Variants in TMEM221 observed in about 807,000 individuals in gnomAD.
TMEM221 encodes the protein transmembrane protein 221.
Under a neutral mutation model 10.2 loss-of-function variants are expected in TMEM221, and 11 were observed. That is an observed-to-expected ratio of 1.08 (90% CI 0.68 to 1.79). TMEM221 has a LOEUF of 1.79. TMEM221 is among the 40% of genes most tolerant of loss of function. The pLI is 0.00. For missense variants in TMEM221, 382 were observed against 417.7 expected, an observed-to-expected ratio of 0.91 and a Z score of 0.75; for synonymous variants, 172 against 199.8, an observed-to-expected ratio of 0.86 and a Z score of 1.18.
At position 17,435,901 on chromosome 19, in the gene TMEM221, T is replaced by C. The variant is rs7254837; in HGVS notation, c.*557A>G. 124,504 of 152,282 alleles carry C rather than the reference T, an allele frequency of 0.82. 51,243 individuals are homozygous for C. Among genetic ancestry groups the C allele is most frequent in the African/African-American group, 0.9 (37,477 of 41,530 alleles). 9.4% of individuals were successfully genotyped at this position (152,282 alleles called of 1,614,324 possible). On this transcript the variant is annotated 3_prime_UTR_variant, in exon 3 of 3. Transcript: ENST00000341130. The stretch of plus-strand genomic sequence containing the variant: ...ATGTTCACAGCCCGAGGGGGTGCAG[T>C]GGATTTTGCAGAGTCTGAGACTTGC...
At chr19:17,447,115 G>A (rs574315942) in intron 1 of TMEM221, among the ~76,000 whole-genome samples, 68 of 151,892 alleles carry the variant, frequency 4.5e-4, no homozygotes, top group African/African-American at 1.4e-3. Context: ...CCAGCTACTC[G>A]GGAGGCTAAG....
chr19:17,448,319 C>T lies in TMEM221; in HGVS notation c.144G>A (p.Gly48=). ...RAELRGLRAE[G]LGQELGAGPG... ...GGCCGGCGCCCAGCTCCTGGCCCAG[C>T]CCCTCGGCGCGCAGCCCCCGCAGCT... Residue 48 remains glycine, a synonymous_variant, in exon 1 of 3, where the codon GGG becomes GGA. Transcript: ENST00000341130. This position sits in a 1 kb window ranked among gnomAD's most constrained non-coding sequence, Gnocchi z 4.7. 7.9e-7 allele frequency: 1 copy of T among 1,273,250 alleles called. No individual in the cohort carries two copies. The highest frequency in any genetic ancestry group is 9.9e-7 in the Non-Finnish European group (1 of 1,010,636). The allele number at this position is 1,273,250 out of a possible 1,614,324, so 78.9% of individuals were successfully genotyped here. A position where few individuals can be genotyped will look rare whatever the true frequency, so the allele number is the denominator to read the frequency against.
In TMEM221 at chr19:17,448,385, C is replaced by T. The variant is rs1287893375; in HGVS notation, c.78G>A (p.Leu26=). ...LGIAAAVLAA[L]GAQLLFQLQA... ...GCAGCTGAAACAGCAGCTGCGCGCCCAGCGCCGCCAGCACGGCCGCCGCGA... is the reference window on the plus strand; with the variant it reads ...GCAGCTGAAACAGCAGCTGCGCGCCTAGCGCCGCCAGCACGGCCGCCGCGA... Residue 26 remains leucine (L), a synonymous_variant, in exon 1 of 3, where the codon CTG becomes CTA. Transcript: ENST00000341130. This position sits in a 1 kb window ranked among gnomAD's most constrained non-coding sequence, Gnocchi z 4.7. 10 of 1,445,522 alleles carry T rather than the reference C, an allele frequency of 6.9e-6. No homozygotes were observed. The East Asian group carries it at 3.0e-4, about 44-fold the overall frequency. The allele number at this position is 1,445,522 out of a possible 1,614,324, so 89.5% of individuals were successfully genotyped here. A position where few individuals can be genotyped will look rare whatever the true frequency, so the allele number is the denominator to read the frequency against.
chr19:17,437,975 G>A (rs2074916487), intron 2 of TMEM221, among the ~76,000 whole-genome samples: 2 of 151,286 alleles, frequency 1.3e-5, no homozygotes, highest in African/African-American at 2.4e-5. Context: ...TTGGAAGGCA[G>A]TGGCTCGGCT....
intron 1 of TMEM221, among the ~76,000 whole-genome samples, chr19:17,447,708 G>A (rs942032520): frequency 6.6e-6 from 1 of 152,134 alleles, no homozygotes; most frequent in African/African-American, 2.4e-5. Flanking sequence ...ACTGAGTTCA[G>A]GTCCCTGAGG....
In TMEM221 at chr19:17,436,335, A is replaced by C; in HGVS notation, c.*123T>G. On this transcript the variant is annotated 3_prime_UTR_variant, in exon 3 of 3. Transcript: ENST00000341130. ...TTTGTGCCACGAGGCAACCTTGAGG[A>C]CAAAAGCCAAGGATGCAATAAAATG... is the stretch of plus-strand genomic sequence containing the variant. The C allele has an allele frequency of 1.0e-6, 1 of 991,154 alleles. No homozygotes were observed. The highest frequency in any genetic ancestry group is 3.3e-5 in the Admixed American group (1 of 30,690). The allele number at this position is 991,154 out of a possible 1,614,324, so 61.4% of individuals were successfully genotyped here. A position where few individuals can be genotyped will look rare whatever the true frequency, so the allele number is the denominator to read the frequency against.
chr19:17,441,262 C>T (rs1336824668), intron 2 of TMEM221, among the ~76,000 whole-genome samples: 2 of 151,660 alleles, frequency 1.3e-5, no homozygotes, highest in African/African-American at 2.4e-5. Flanking sequence ...CTAGCTAGCC[C>T]TCCATCAGCC....
At chr19:17,445,115 G>T (rs2074947684) in intron 2 of TMEM221, 84 bp downstream of exon 2, 3 of 1,265,244 alleles carry the variant, frequency 2.4e-6, no homozygotes, top group African/African-American at 1.5e-5. Context: ...GAGGCTGTCT[G>T]CAGAGTTGAT....
chr19:17,437,587 G>A (rs2074914499), intron 2 of TMEM221, among the ~76,000 whole-genome samples: 2 of 152,148 alleles, frequency 1.3e-5, no homozygotes, highest in Admixed American at 1.3e-4. Context: ...AATTAGCTGG[G>A]CATCGTGGCG....
Position 17,436,549 on chromosome 19 carries a change from C to A in TMEM221, c.785G>T (p.Gly262Val), listed in dbSNP as rs377594342. 4 of 1,536,102 alleles carry A rather than the reference C, an allele frequency of 2.6e-6. No individual in the cohort carries two copies. The highest frequency in any genetic ancestry group is 3.3e-4 in the Middle Eastern group (2 of 5,976). The change falls in exon 3 of 3, where the codon GGC becomes GTC. Residue 262 changes from glycine to valine, a missense_variant. Gly to Val is a moderately radical substitution (Grantham distance 109). Coordinates refer to ENST00000341130, the MANE Select transcript of TMEM221 (RefSeq NM_001190844.2). Reference sequence around the variant, plus strand: ...CGTAACCCCGTCCCAGTGCCCCAGGCCAGCCGACAGTGTCCGGTGCATTCT... The same window carrying A: ...CGTAACCCCGTCCCAGTGCCCCAGGACAGCCGACAGTGTCCGGTGCATTCT... ...ASRMHRTLSA[G>V]LGHWDGVTHE...
At chr19:17,447,057 A>C (rs1282837801) in intron 1 of TMEM221, among the ~76,000 whole-genome samples, 1 of 151,898 alleles carries the variant, frequency 6.6e-6, no homozygotes, top group Non-Finnish European at 1.5e-5. Flanking sequence ...CCCCGCCTCT[A>C]CTAAAAATAC....
At chr19:17,441,015 C>G (rs2074929773) in intron 2 of TMEM221, among the ~76,000 whole-genome samples, 2 of 152,092 alleles carry the variant, frequency 1.3e-5, no homozygotes, top group South Asian at 4.1e-4. Flanking sequence ...TGAGACCAGC[C>G]TGGCCAACAT....
In TMEM221 at chr19:17,448,325, G is replaced by A. The variant is rs954832303; in HGVS notation, c.138C>T (p.Ala46=). The change falls in exon 1 of 3, where the codon GCC becomes GCT. Residue 46 remains alanine (A), a synonymous_variant. Coordinates refer to ENST00000341130, the MANE Select transcript of TMEM221 (RefSeq NM_001190844.2). This position sits in a 1 kb window ranked among gnomAD's most constrained non-coding sequence, Gnocchi z 4.7. ...AGRAELRGLR[A]EGLGQELGAG... is the part of the protein sequence containing the mutation. ...CGCCCAGCTCCTGGCCCAGCCCCTC[G>A]GCGCGCAGCCCCCGCAGCTCGGCGC... 3 of 1,278,634 alleles carry A rather than the reference G, an allele frequency of 2.3e-6. No homozygotes were observed. Among genetic ancestry groups the A allele is most frequent in the Admixed American group, 4.1e-5 (1 of 24,262 alleles). 79.2% of individuals were successfully genotyped at this position (1,278,634 alleles called of 1,614,324 possible).
At chr19:17,444,363 G>A (rs1008823772) in intron 2 of TMEM221, among the ~76,000 whole-genome samples, 13 of 151,652 alleles carry the variant, frequency 8.6e-5, no homozygotes, top group Non-Finnish European at 1.8e-4. Context: ...GATTACAGGC[G>A]TGAGCCACTG....
At chr19:17,444,071 C>CT (rs67270566) in intron 2 of TMEM221, among the ~76,000 whole-genome samples, 1,219 of 56,300 alleles carry the variant, frequency 0.022, 163 homozygotes, top group African/African-American at 0.047. Flanking sequence ...AAAATGCTAT[C>CT]TTTTTTTTTT....
rs1321410239 is a variant in TMEM221 at position 17,445,192 on chromosome 19, C to G, written c.406+7G>C. 2.0e-6 allele frequency: 3 copies of G among 1,535,038 alleles called. No homozygotes were observed. Among genetic ancestry groups the G allele is most frequent in the African/African-American group, 1.4e-5 (1 of 73,118 alleles). Reference sequence around the variant, plus strand: ...TCCCATGCCCCACGTTCTATTCCAGCACACACCTGCTAAATAGACGGAGAT... The same window carrying G: ...TCCCATGCCCCACGTTCTATTCCAGGACACACCTGCTAAATAGACGGAGAT... On this transcript the variant is annotated splice_region_variant and intron_variant, in intron 2 of 2. Coordinates refer to ENST00000341130, the MANE Select transcript of TMEM221 (RefSeq NM_001190844.2).
chr19:17,436,696 C>T lies in TMEM221; in HGVS notation c.638G>A (p.Gly213Asp), dbSNP rs760916176. The T allele has an allele frequency of 7.2e-6, 11 of 1,534,378 alleles. No homozygotes were observed. The highest frequency in any genetic ancestry group is 9.6e-6 in the Non-Finnish European group (11 of 1,145,716). Residue 213 changes from glycine to aspartate, a missense_variant, in exon 3 of 3, where the codon GGT becomes GAT. Physicochemically the swap from Gly to Asp is moderately conservative, Grantham distance 94. Transcript: ENST00000341130. ...KASPRAQPQQ[G>D]IHRRTPYSTC... ...TGAATAGGGGGTCCGACGATGGATA[C>T]CCTGCTGAGGCTGAGCTCTGGGGCT...
Position 17,448,541 on chromosome 19 carries a change from G to A in TMEM221, c.-79C>T. Reference sequence around the variant, plus strand: ...AGGGCAGGGGAGTTGGGGGGAATCCGAGGGTCCTCAGGGGGTCCCCGAGGG... The same window carrying A: ...AGGGCAGGGGAGTTGGGGGGAATCCAAGGGTCCTCAGGGGGTCCCCGAGGG... On this transcript the variant is annotated 5_prime_UTR_variant, in exon 1 of 3. Coordinates refer to ENST00000341130, the MANE Select transcript of TMEM221 (RefSeq NM_001190844.2). This position sits in a 1 kb window ranked among gnomAD's most constrained non-coding sequence, Gnocchi z 4.7. The A allele has an allele frequency of 8.3e-7, 1 of 1,211,458 alleles. No individual in the cohort carries two copies. Among genetic ancestry groups the A allele is most frequent in the Non-Finnish European group, 1.1e-6 (1 of 930,834 alleles). 75.0% of individuals were successfully genotyped at this position (1,211,458 alleles called of 1,614,324 possible). A position where few individuals can be genotyped will look rare whatever the true frequency, so the allele number is the denominator to read the frequency against.
At chr19:17,443,004 C>T (rs146217959) in intron 2 of TMEM221, among the ~76,000 whole-genome samples, 4 of 151,998 alleles carry the variant, frequency 2.6e-5, no homozygotes, top group African/African-American at 9.6e-5. Context: ...CAGGGCCGGG[C>T]GTGGTGGCTC....
Sources: allele counts gnomAD v4.1 joint callset (sites outside exome capture counted in the v4.1 genomes callset), GRCh38; gene constraint gnomAD v4.1.1; non-coding constraint Gnocchi (gnomAD v3.1); transcripts MANE v1.5; gene names NCBI Gene and HGNC (gene_info 2026-07-23, HGNC 2026-07-21).